Variants in CNTN3 observed in about 807,000 individuals in gnomAD.
CNTN3 encodes contactin-3.
In CNTN3, 60 loss-of-function variants were observed where a neutral mutation model predicts 119.1. The observed-to-expected ratio is 0.50, with a 90% CI of 0.41 to 0.62. The LOEUF is 0.62. CNTN3 is among the 20% of genes least tolerant of loss of function. The pLI is 0.00. For missense variants in CNTN3, 1,101 were observed against 1,242.4 expected (o/e 0.89, Z 1.71); for synonymous variants, 450 against 438.7 (o/e 1.03, Z -0.32).
intron 11 of CNTN3, among the ~76,000 whole-genome samples, chr3:74,359,296 C>G (rs772541565): frequency 5.9e-5 from 9 of 152,100 alleles, no homozygotes; most frequent in Non-Finnish European, 1.2e-4. Context: ...TGATCTCATT[C>G]TTATAGATCA....
rs13318008 is a variant in CNTN3 at position 74,575,798 on chromosome 3, A to G, written c.-81+38593T>C. Among the ~76,000 whole-genome samples, 1,165 of 152,096 alleles carry G rather than the reference A, an allele frequency of 7.7e-3. 15 individuals are homozygous for G. Among genetic ancestry groups the G allele is most frequent in the African/African-American group, 0.027 (1,108 of 41,486 alleles). ...GTGAAATTGTTCTAAGAGGCTTCTC[A>G]GCCCAGTGATTTACTATGAAGATAC... On this transcript the variant is annotated intron_variant, in intron 1 of 22. Coordinates refer to ENST00000263665, the MANE Select transcript of CNTN3 (RefSeq NM_020872.3).
At chr3:74,278,715 A>G (rs1484612509) in intron 20 of CNTN3, among the ~76,000 whole-genome samples, 1 of 152,224 alleles carries the variant, frequency 6.6e-6, no homozygotes, top group Non-Finnish European at 1.5e-5. Context: ...TTTCATGACC[A>G]AGAACCCAAA....
At chr3:74,357,918 AT>A (rs1183611384) in intron 11 of CNTN3, among the ~76,000 whole-genome samples, 1 of 152,126 alleles carries the variant, frequency 6.6e-6, no homozygotes, top group Non-Finnish European at 1.5e-5. Context: ...GTAACAATCC[AT>A]GATCTAACAA....
At chr3:74,484,241 A>C (rs2107036046) in intron 4 of CNTN3, among the ~76,000 whole-genome samples, 2 of 152,246 alleles carry the variant, frequency 1.3e-5, no homozygotes, top group Middle Eastern at 3.4e-3. Flanking sequence ...TTGTTTTAGA[A>C]CCTATTGAAC....
At chr3:74,287,998 A>G (rs1009906795) in intron 19 of CNTN3, among the ~76,000 whole-genome samples, 2 of 152,088 alleles carry the variant, frequency 1.3e-5, no homozygotes, top group African/African-American at 4.8e-5. Flanking sequence ...AATTGTCTGT[A>G]TCTTATTTTC....
At chr3:74,587,052 A>G (rs998723443) in intron 1 of CNTN3, among the ~76,000 whole-genome samples, 1 of 152,038 alleles carries the variant, frequency 6.6e-6, no homozygotes, top group African/African-American at 2.4e-5. Context: ...AGAGAAGTAC[A>G]GTCCAAACCC....
chr3:74,473,855 G>T (rs1044868846), intron 4 of CNTN3, among the ~76,000 whole-genome samples: 1 of 152,182 alleles, frequency 6.6e-6, no homozygotes, highest in African/African-American at 2.4e-5. Flanking sequence ...ATAAGTGTGA[G>T]AGAAGTGCAG....
At chr3:74,504,037 C>A (rs1421601557) in intron 2 of CNTN3, among the ~76,000 whole-genome samples, 1 of 152,086 alleles carries the variant, frequency 6.6e-6, no homozygotes, top group African/African-American at 2.4e-5. Flanking sequence ...ATACTCTATA[C>A]AATTTTTATG....
At chr3:74,366,907 C>T (rs1273531447) in intron 8 of CNTN3, among the ~76,000 whole-genome samples, 4 of 145,894 alleles carry the variant, frequency 2.7e-5, no homozygotes, top group East Asian at 4.1e-4. Flanking sequence ...TGAGATGGAA[C>T]ATGACTGTGA....
chr3:74,274,502 C>T (rs1440057042), intron 20 of CNTN3, among the ~76,000 whole-genome samples: 4 of 152,152 alleles, frequency 2.6e-5, no homozygotes, highest in Admixed American at 2.0e-4. Context: ...ACCCCCAGTA[C>T]AAGCCCGAGC....
chr3:74,525,393 T>TA (rs1376382381), intron 1 of CNTN3, among the ~76,000 whole-genome samples: 1 of 151,900 alleles, frequency 6.6e-6, no homozygotes, highest in Non-Finnish European at 1.5e-5. Context: ...ACATTGGCTT[T>TA]ATAAATAATG....
At chr3:74,453,427 C>A (rs1164151138) in intron 4 of CNTN3, among the ~76,000 whole-genome samples, 1 of 152,056 alleles carries the variant, frequency 6.6e-6, no homozygotes, top group African/African-American at 2.4e-5. Flanking sequence ...ATTAGTCTTG[C>A]TACCAGTCTA....
chr3:74,294,591 G>A (rs17012313), intron 19 of CNTN3, among the ~76,000 whole-genome samples: 38,733 of 151,946 alleles, frequency 0.25, 6,433 homozygotes, highest in South Asian at 0.57. Context: ...TTCCTGTTTT[G>A]GGTGACCTAG....
intron 4 of CNTN3, among the ~76,000 whole-genome samples, chr3:74,469,460 G>A (rs886309265): frequency 1.3e-5 from 2 of 152,092 alleles, no homozygotes; most frequent in African/African-American, 4.8e-5. Flanking sequence ...TCTGACAAGG[G>A]ACTTGTATTT....
At chr3:74,375,192 C>A (rs376070816) in intron 5 of CNTN3, among the ~76,000 whole-genome samples, 1 of 151,908 alleles carries the variant, frequency 6.6e-6, no homozygotes, top group East Asian at 1.9e-4. Flanking sequence ...AGATCCTTGA[C>A]GAACAACAAA....
chr3:74,349,911 G>A (rs1054631878), intron 11 of CNTN3, among the ~76,000 whole-genome samples: 2 of 152,100 alleles, frequency 1.3e-5, no homozygotes, highest in East Asian at 1.9e-4. Flanking sequence ...TTCTAACAAC[G>A]AACTGGCTTG....
chr3:74,592,983 A>G (rs749167486), intron 1 of CNTN3, among the ~76,000 whole-genome samples: 26 of 152,126 alleles, frequency 1.7e-4, no homozygotes, highest in Middle Eastern at 3.4e-3. Context: ...TAGTTTTAAA[A>G]TAAACTTAGC....
intron 5 of CNTN3, 115 bp downstream of exon 5, chr3:74,424,730 T>C (rs1186424935): frequency 2.4e-6 from 2 of 849,150 alleles, no homozygotes; most frequent in Non-Finnish European, 3.9e-6. Context: ...CAAAATCTAA[T>C]GCTCAGGTTA....
At chr3:74,407,503 C>T (rs894256213) in intron 5 of CNTN3, among the ~76,000 whole-genome samples, 9 of 150,326 alleles carry the variant, frequency 6.0e-5, no homozygotes, top group Non-Finnish European at 1.3e-4. Context: ...AAACTCCTGA[C>T]CTCAGGTGAT....
Sources: gnomAD v4.1 joint callset for allele counts (sites outside exome capture counted in the v4.1 genomes callset) on GRCh38, gnomAD v4.1.1 for gene constraint, MANE v1.5 for transcripts, NCBI Gene and HGNC (gene_info 2026-07-23, HGNC 2026-07-21) for gene names.